The following TMEM150A variants were observed in gnomAD, a reference collection of about 807,000 sequenced individuals.
The protein encoded by TMEM150A is fasting-inducible integral membrane protein TM6P1.
TMEM150A carries 18 observed loss-of-function variants against 29.8 expected under a neutral mutation model. The observed-to-expected ratio is 0.60, with a 90% CI of 0.42 to 0.90. The LOEUF is 0.90. Among genes scored for constraint, TMEM150A ranks in the 40% least tolerant of loss-of-function variants. The pLI is 0.00. For missense variants in TMEM150A, 251 were observed against 349.7 expected, an observed-to-expected ratio of 0.72 and a Z score of 2.25; for synonymous variants, 127 against 143.6, an observed-to-expected ratio of 0.88 and a Z score of 0.83.
Position 85,601,808 on chromosome 2 carries a change from G to A in TMEM150A, c.65+76C>T, listed in dbSNP as rs1343381574. 2 of 1,537,640 alleles carry A rather than the reference G, an allele frequency of 1.3e-6. No individual in the cohort carries two copies. Among genetic ancestry groups the A allele is most frequent in the South Asian group, 1.1e-5 (1 of 87,340 alleles). ...ACCCAGAGTGACCCTGGGTACCACC[G>A]TGGCTATGACAGGACAAGAGACTTT... On this transcript the variant is annotated intron_variant, in intron 2 of 7. Coordinates refer to ENST00000334462, the MANE Select transcript of TMEM150A (RefSeq NM_001031738.3). The surrounding 1 kb of genome is among the most constrained non-coding windows in gnomAD (Gnocchi z 4.0).
Position 85,599,137 on chromosome 2 carries a change from G to A in TMEM150A, c.755C>T (p.Ser252Phe), listed in dbSNP as rs759618584. Residue 252 changes from serine to phenylalanine, a missense_variant, in exon 8 of 8, where the codon TCC becomes TTC. Transcript: ENST00000334462. This position sits in a 1 kb window ranked among gnomAD's most constrained non-coding sequence, Gnocchi z 6.0. ...GTGGGTGGAGGTGCTGCTGCTCCCG[G>A]AGGACTTGCAGGCCCGGCCAGGGGT... ...QPTPGRACKS[S>F]GSSSTSTHLN... 3.1e-6 allele frequency: 5 copies of A among 1,613,862 alleles called. No homozygotes were observed. In the Admixed American group the frequency reaches 6.7e-5, roughly 22 times the overall value.
chr2:85,601,650 GC>G lies in TMEM150A; in HGVS notation c.66-169del. On this transcript the variant is annotated intron_variant, in intron 2 of 7. Transcript: ENST00000334462. The surrounding 1 kb of genome is among the most constrained non-coding windows in gnomAD (Gnocchi z 4.0). ...GATGCCACACCAGCACCTGCAGCAT[GC>G]CCCCAGCTACAGGCCCTCTGGAAAT... 2.4e-6 allele frequency: 2 copies of G among 844,004 alleles called. No individual in the cohort carries two copies. Among genetic ancestry groups the G allele is most frequent in the Non-Finnish European group, 3.7e-6 (2 of 534,314 alleles). The allele number at this position is 844,004 out of a possible 1,614,324, so 52.3% of individuals were successfully genotyped here. A position where few individuals can be genotyped will look rare whatever the true frequency, so the allele number is the denominator to read the frequency against.
Position 85,599,383 on chromosome 2 carries a change from C to G in TMEM150A, c.575-66G>C. On this transcript the variant is annotated intron_variant, in intron 7 of 7. Transcript: ENST00000334462. This position sits in a 1 kb window ranked among gnomAD's most constrained non-coding sequence, Gnocchi z 6.0. ...AACCTGGCAACACCCCTTCTGCAGT[C>G]TCAGGCCTCACCTCTCCAAAGGGAG... is the stretch of plus-strand genomic sequence containing the variant. The G allele has an allele frequency of 6.3e-7, 1 of 1,598,108 alleles. No homozygotes were observed. Among genetic ancestry groups the G allele is most frequent in the Non-Finnish European group, 8.5e-7 (1 of 1,170,482 alleles).
At chr2:85,600,773 A>G in intron 4 of TMEM150A, 1 of 554,944 alleles carries the variant, frequency 1.8e-6, no homozygotes, top group Non-Finnish European at 3.2e-6. Context: ...GATGAGGAAG[A>G]CTGAGCCTGT....
chr2:85,600,100 G>A (rs1249309920), intron 5 of TMEM150A, 82 bp from the exon 6 acceptor site: 1 of 1,565,376 alleles, frequency 6.4e-7, no homozygotes, highest in African/African-American at 1.4e-5. Flanking sequence ...CAGACGCTGT[G>A]GTGCTCCTGC....
Position 85,599,454 on chromosome 2 carries a change from C to A in TMEM150A, c.574+71G>T, listed in dbSNP as rs1375772381. On this transcript the variant is annotated intron_variant, in intron 7 of 7. Transcript: ENST00000334462. The surrounding 1 kb of genome is among the most constrained non-coding windows in gnomAD (Gnocchi z 6.0). ...ACATGGCAGTGTTAGGCCTCCACCC[C>A]CCATCCTCTTGGGAGGGAGAAAGGT... 7 of 1,567,780 alleles carry A rather than the reference C, an allele frequency of 4.5e-6. No individual in the cohort carries two copies. The highest frequency in any genetic ancestry group is 6.0e-6 in the Non-Finnish European group (7 of 1,157,106).
intron 5 of TMEM150A, 135 bp from the exon 6 acceptor site, chr2:85,600,153 C>T: frequency 2.2e-6 from 3 of 1,363,578 alleles, no homozygotes; most frequent in Non-Finnish European, 3.0e-6. Flanking sequence ...GGGTGGTGAA[C>T]TAGGTTTCCT....
rs1672825664 is a variant in TMEM150A, at chr2:85,599,779, C to G, written c.397-77G>C. The G allele has an allele frequency of 6.3e-7, 1 of 1,596,476 alleles. No homozygotes were observed. Among genetic ancestry groups the G allele is most frequent in the Admixed American group, 1.7e-5 (1 of 58,738 alleles). ...ACCCCTCCTTCAATGAATCTCCTCTCTCCCTCTTCCTTCCTCTCCCTCTTT... is the reference window on the plus strand; with the variant it reads ...ACCCCTCCTTCAATGAATCTCCTCTGTCCCTCTTCCTTCCTCTCCCTCTTT... On this transcript the variant is annotated intron_variant, in intron 6 of 7. Coordinates refer to ENST00000334462, the MANE Select transcript of TMEM150A (RefSeq NM_001031738.3). This position sits in a 1 kb window ranked among gnomAD's most constrained non-coding sequence, Gnocchi z 6.0.
rs2104101679 is a variant in TMEM150A, at chr2:85,601,269, G to A, written c.114-162C>T. 1 of 1,158,798 alleles carries A rather than the reference G, an allele frequency of 8.6e-7. No homozygotes were observed. The highest frequency in any genetic ancestry group is 1.3e-6 in the Non-Finnish European group (1 of 771,488). The allele number at this position is 1,158,798 out of a possible 1,614,324, so 71.8% of individuals were successfully genotyped here. A position where few individuals can be genotyped will look rare whatever the true frequency, so the allele number is the denominator to read the frequency against. Reference sequence around the variant, plus strand: ...TGAAGCAGTAACCAAAGGGGCAAAGGGATAGTGGGAAGTGGGTAGGTGGCA... The same window carrying A: ...TGAAGCAGTAACCAAAGGGGCAAAGAGATAGTGGGAAGTGGGTAGGTGGCA... On this transcript the variant is annotated intron_variant, in intron 3 of 7. Transcript: ENST00000334462. The surrounding 1 kb of genome is among the most constrained non-coding windows in gnomAD (Gnocchi z 4.0).
chr2:85,600,948 G>T (rs1672903119), intron 4 of TMEM150A, 73 bp downstream of exon 4: 1 of 1,424,136 alleles, frequency 7.0e-7, no homozygotes. Context: ...GAGACCCAAG[G>T]ACAGCTCTTT....
In TMEM150A at chr2:85,601,175, G is replaced by C; in HGVS notation, c.114-68C>G. 6.6e-7 allele frequency: 1 copy of C among 1,517,730 alleles called. No homozygotes were observed. Among genetic ancestry groups the C allele is most frequent in the East Asian group, 2.3e-5 (1 of 43,966 alleles). The allele number at this position is 1,517,730 out of a possible 1,614,324, so 94.0% of individuals were successfully genotyped here. A position where few individuals can be genotyped will look rare whatever the true frequency, so the allele number is the denominator to read the frequency against. On this transcript the variant is annotated intron_variant, in intron 3 of 7. Coordinates refer to ENST00000334462, the MANE Select transcript of TMEM150A (RefSeq NM_001031738.3). The surrounding 1 kb of genome is among the most constrained non-coding windows in gnomAD (Gnocchi z 4.0). ...CCCAGGCCCTTGGCCTATAGCCTCA[G>C]GCCTCAAAGAGGACTCTCTCCCAGA... is the stretch of plus-strand genomic sequence containing the variant.
chr2:85,598,991 CA>C lies in TMEM150A; in HGVS notation c.*84del. The C allele has an allele frequency of 6.4e-7, 1 of 1,550,744 alleles. No individual in the cohort carries two copies. Among genetic ancestry groups the C allele is most frequent in the Non-Finnish European group, 8.7e-7 (1 of 1,146,224 alleles). ...CCCAGATCCCAACAGAATACTTTCT[CA>C]AAATTGTTTTTGGTACGAAATAAAT... On this transcript the variant is annotated 3_prime_UTR_variant, in exon 8 of 8. Coordinates refer to ENST00000334462, the MANE Select transcript of TMEM150A (RefSeq NM_001031738.3).
At chr2:85,600,698 G>A (rs374609846) in intron 4 of TMEM150A, 66 of 551,424 alleles carry the variant, frequency 1.2e-4, no homozygotes, top group African/African-American at 9.6e-4. Context: ...GCCAGAACAC[G>A]GGCTGGGCAA....
At position 85,601,268 on chromosome 2, in the gene TMEM150A, G is replaced by C. The variant is rs773203100; in HGVS notation, c.114-161C>G. On this transcript the variant is annotated intron_variant, in intron 3 of 7. Transcript: ENST00000334462. This position sits in a 1 kb window ranked among gnomAD's most constrained non-coding sequence, Gnocchi z 4.0. Reference sequence around the variant, plus strand: ...CTGAAGCAGTAACCAAAGGGGCAAAGGGATAGTGGGAAGTGGGTAGGTGGC... The same window carrying C: ...CTGAAGCAGTAACCAAAGGGGCAAACGGATAGTGGGAAGTGGGTAGGTGGC... The C allele has an allele frequency of 8.7e-6, 10 of 1,155,250 alleles. No homozygotes were observed. Among genetic ancestry groups the C allele is most frequent in the Non-Finnish European group, 1.3e-5 (10 of 768,512 alleles). The allele number at this position is 1,155,250 out of a possible 1,614,324, so 71.6% of individuals were successfully genotyped here. A position where few individuals can be genotyped will look rare whatever the true frequency, so the allele number is the denominator to read the frequency against.
Position 85,599,911 on chromosome 2 carries a change from A to G in TMEM150A, c.376T>C (p.Leu126=). The part of the protein sequence containing the change: ...ITGCTNAAGL[L]VVGNFQVDHA... ...AGCACCTGAAAGTTGCCAACCACCA[A>G]GAGGCCCGCAGCGTTGGTGCAGCCT... The change falls in exon 6 of 8, where the codon TTG becomes CTG. Residue 126 remains leucine, a synonymous_variant. Transcript: ENST00000334462. The surrounding 1 kb of genome is among the most constrained non-coding windows in gnomAD (Gnocchi z 6.0). 6.2e-7 allele frequency: 1 copy of G among 1,613,440 alleles called. No homozygotes were observed. The highest frequency in any genetic ancestry group is 1.1e-5 in the South Asian group (1 of 91,036).
chr2:85,599,776 T>C lies in TMEM150A; in HGVS notation c.397-74A>G. On this transcript the variant is annotated intron_variant, in intron 6 of 7. Transcript: ENST00000334462. The surrounding 1 kb of genome is among the most constrained non-coding windows in gnomAD (Gnocchi z 6.0). ...TCCACCCCTCCTTCAATGAATCTCC[T>C]CTCTCCCTCTTCCTTCCTCTCCCTC... is the stretch of plus-strand genomic sequence containing the variant. 5 of 1,585,688 alleles carry C rather than the reference T, an allele frequency of 3.2e-6. No individual in the cohort carries two copies. Among genetic ancestry groups the C allele is most frequent in the Non-Finnish European group, 4.3e-6 (5 of 1,162,238 alleles).
At chr2:85,600,667 G>A (rs997034218) in intron 4 of TMEM150A, 12 of 559,226 alleles carry the variant, frequency 2.1e-5, no homozygotes, top group South Asian at 1.1e-4. Context: ...TGAGCCCTGC[G>A]GCTGGTTTGG....
At position 85,599,706 on chromosome 2, in the gene TMEM150A, G is replaced by A; in HGVS notation, c.397-4C>T. On this transcript the variant is annotated splice_polypyrimidine_tract_variant and splice_region_variant and intron_variant, in intron 6 of 7. Coordinates refer to ENST00000334462, the MANE Select transcript of TMEM150A (RefSeq NM_001031738.3). The surrounding 1 kb of genome is among the most constrained non-coding windows in gnomAD (Gnocchi z 6.0). ...GCAGAGACCTGGCATGATCCACCTG[G>A]GCCCAGAGAAGGGCCAGTTGGTGAT... 1.9e-6 allele frequency: 3 copies of A among 1,611,208 alleles called. No individual in the cohort carries two copies. Among genetic ancestry groups the A allele is most frequent in the Non-Finnish European group, 2.5e-6 (3 of 1,178,984 alleles).
chr2:85,600,457 C>T (rs775539862), intron 4 of TMEM150A, 45 bp from the exon 5 acceptor site: 57 of 1,521,108 alleles, frequency 3.7e-5, no homozygotes, highest in African/African-American at 6.8e-5. Flanking sequence ...GCAGGAGGCC[C>T]GGGGGGCCCC....
Sources: allele counts gnomAD v4.1 joint callset, GRCh38; gene constraint gnomAD v4.1.1; non-coding constraint Gnocchi (gnomAD v3.1); transcripts MANE v1.5; gene names NCBI Gene and HGNC (gene_info 2026-07-23, HGNC 2026-07-21).